DNAJA3: variants seen among roughly 807,000 people sequenced by gnomAD.
DNAJA3 encodes dnaJ homolog subfamily A member 3, mitochondrial.
DNAJA3 carries 29 observed loss-of-function variants against 54.9 expected under a neutral mutation model. That is an observed-to-expected ratio of 0.53 (90% CI 0.39 to 0.72). The LOEUF is 0.72. Ranked by LOEUF, DNAJA3 falls within the 30% of genes least tolerant of loss-of-function variation. The probability of loss-of-function intolerance (pLI) is 0.00; values close to 1 mark genes in which losing one functional copy is unlikely to be tolerated. For missense variants in DNAJA3, 708 were observed against 639.4 expected (o/e 1.11, Z -1.16); for synonymous variants, 302 against 251.4 (o/e 1.20, Z -1.90).
intron 10 of DNAJA3, 110 bp downstream of exon 10, chr16:4,450,607 C>A (rs749261727): frequency 3.6e-6 from 3 of 822,240 alleles, no homozygotes; most frequent in Non-Finnish European, 3.7e-6. Context: ...CTTCATGAAG[C>A]CTTTAAAATG....
At chr16:4,433,624 G>T (rs985615037) in intron 1 of DNAJA3, among the ~76,000 whole-genome samples, 1 of 152,178 alleles carries the variant, frequency 6.6e-6, no homozygotes, top group South Asian at 2.1e-4. Flanking sequence ...CTGCAAGATA[G>T]AGGGAAAAGA....
At chr16:4,436,134 G>A (rs1211446904) in intron 2 of DNAJA3, among the ~76,000 whole-genome samples, 1 of 152,062 alleles carries the variant, frequency 6.6e-6, no homozygotes, top group African/African-American at 2.4e-5. Flanking sequence ...AGAAACGTGT[G>A]TTTGGATCCA....
chr16:4,440,091 C>T (rs946848915), intron 3 of DNAJA3, among the ~76,000 whole-genome samples: 1 of 151,872 alleles, frequency 6.6e-6, no homozygotes, highest in Non-Finnish European at 1.5e-5. Flanking sequence ...GCGTGCACCA[C>T]CATTCTTGGT....
chr16:4,437,154 T>C (rs548677534), intron 2 of DNAJA3, among the ~76,000 whole-genome samples: 34 of 152,010 alleles, frequency 2.2e-4, no homozygotes, highest in Non-Finnish European at 8.8e-5. Context: ...CTATTTTTGG[T>C]GGAGAGGGGT....
chr16:4,452,257 C>T (rs1446034507), intron 10 of DNAJA3, among the ~76,000 whole-genome samples: 1 of 152,092 alleles, frequency 6.6e-6, no homozygotes, highest in Non-Finnish European at 1.5e-5. Flanking sequence ...CTAATCAGTG[C>T]ACCTGTGGCT....
In DNAJA3 at chr16:4,454,852, C is replaced by A; in HGVS notation, c.1381C>A (p.Arg461Ser). Residue 461 changes from arginine to serine, a missense_variant, in exon 11 of 12, where the codon CGT (arginine) becomes AGT (serine). Physicochemically the swap from Arg to Ser is moderately radical, Grantham distance 110. Coordinates refer to ENST00000262375, the MANE Select transcript of DNAJA3 (RefSeq NM_005147.6). ...MDSSAGSKAR[R>S]EAGEDEEGFL... The stretch of plus-strand genomic sequence containing the variant: ...TAGCTCCGCAGGAAGCAAGGCTAGG[C>A]GTGAGGCTGGGGAGGACGAGGAGGG... The A allele has an allele frequency of 1.2e-6, 2 of 1,614,046 alleles. No homozygotes were observed. Among genetic ancestry groups the A allele is most frequent in the South Asian group, 1.1e-5 (1 of 91,074 alleles).
chr16:4,444,401 T>C (rs1411081726), intron 6 of DNAJA3, among the ~76,000 whole-genome samples: 1 of 150,660 alleles, frequency 6.6e-6, no homozygotes, highest in Non-Finnish European at 1.5e-5. Context: ...TGGCGTGTAG[T>C]GGAGTGATCT....
chr16:4,432,644 GCTTATTCA>G (rs2056719290), intron 1 of DNAJA3, among the ~76,000 whole-genome samples: 1 of 151,946 alleles, frequency 6.6e-6, no homozygotes, highest in Non-Finnish European at 1.5e-5. Context: ...ACCCGGCCCG[GCTTATTCA>G]CTTTTTAAAC....
chr16:4,449,863 T>C (rs2056954796), intron 9 of DNAJA3: 1 of 150,800 alleles, frequency 6.6e-6, no homozygotes, highest in African/African-American at 2.4e-5. Flanking sequence ...TGGAGTTCAG[T>C]GGTGCAATCT....
chr16:4,438,878 T>C (rs1567327537), intron 3 of DNAJA3, among the ~76,000 whole-genome samples: 1 of 152,116 alleles, frequency 6.6e-6, no homozygotes, highest in Non-Finnish European at 1.5e-5. Context: ...TAAATCTTTT[T>C]TGAGTAAATA....
chr16:4,446,874 G>A lies in DNAJA3; in HGVS notation c.997-12G>A. 2.5e-6 allele frequency: 4 copies of A among 1,613,748 alleles called. No individual in the cohort carries two copies. Among genetic ancestry groups the A allele is most frequent in the Middle Eastern group, 1.7e-4 (1 of 6,020 alleles). ...ACTTATCTTCACATGCATCTGTCAT[G>A]TTTGGCCTTAGGTGCAGAAAAGCCC... On this transcript the variant is annotated splice_polypyrimidine_tract_variant and intron_variant, in intron 7 of 11. Transcript: ENST00000262375.
chr16:4,432,258 A>G (rs1005804398), intron 1 of DNAJA3, among the ~76,000 whole-genome samples: 1 of 150,492 alleles, frequency 6.6e-6, no homozygotes, highest in Admixed American at 6.7e-5. Context: ...CCTGGGCTCA[A>G]GCGATCCTCA....
chr16:4,455,435 C>A (rs2057024571), intron 11 of DNAJA3, 111 bp from the exon 12 acceptor site: 1 of 1,321,472 alleles, frequency 7.6e-7, no homozygotes, highest in East Asian at 2.5e-5. Flanking sequence ...AAGTGGGGTT[C>A]TCGCCCCTCT....
chr16:4,444,918 G>A (rs2056884974), intron 7 of DNAJA3, among the ~76,000 whole-genome samples, 190 bp downstream of exon 7: 1 of 152,152 alleles, frequency 6.6e-6, no homozygotes, highest in Non-Finnish European at 1.5e-5. Context: ...GCCTTGTGTG[G>A]AGAGAAGACA....
rs147498659 is a variant in DNAJA3 at position 4,438,160 on chromosome 16, A to C, written c.429+675A>C. 3.2e-3 allele frequency among the ~76,000 whole-genome samples: 488 copies of C among 151,742 alleles called. 5 individuals carry two copies. Among genetic ancestry groups the C allele is most frequent in the African/African-American group, 0.011 (467 of 41,436 alleles). Reference sequence around the variant, plus strand: ...TGAAACCCCGTCTCTACTAAAAATAAAAAAAAATTAGCCGGGCATGGCGGC... The same window carrying C: ...TGAAACCCCGTCTCTACTAAAAATACAAAAAAATTAGCCGGGCATGGCGGC... On this transcript the variant is annotated intron_variant, in intron 3 of 11. Coordinates refer to ENST00000262375, the MANE Select transcript of DNAJA3 (RefSeq NM_005147.6).
At chr16:4,455,458 G>A (rs1459410285) in intron 11 of DNAJA3, 88 bp from the exon 12 acceptor site, 3 of 1,484,676 alleles carry the variant, frequency 2.0e-6, no homozygotes, top group African/African-American at 1.4e-5. Flanking sequence ...TGGCACAGCT[G>A]CTTTCCAGGG....
Position 4,454,831 on chromosome 16 carries a change from T to A in DNAJA3, c.1360T>A (p.Ser454Thr). The A allele has an allele frequency of 6.2e-7, 1 of 1,613,878 alleles. No individual in the cohort carries two copies. Among genetic ancestry groups the A allele is most frequent in the Non-Finnish European group, 8.5e-7 (1 of 1,179,852 alleles). Reference sequence around the variant, plus strand: ...CCCAGGTGGCAGCACCATGGATAGCTCCGCAGGAAGCAAGGCTAGGCGTGA... The same window carrying A: ...CCCAGGTGGCAGCACCATGGATAGCACCGCAGGAAGCAAGGCTAGGCGTGA... ...TSSGGSTMDS[S>T]AGSKARREAG... Residue 454 changes from serine to threonine, a missense_variant, in exon 11 of 12, where the codon TCC becomes ACC. Ser to Thr is a moderately conservative substitution (Grantham distance 58). Coordinates refer to ENST00000262375, the MANE Select transcript of DNAJA3 (RefSeq NM_005147.6).
chr16:4,437,064 A>G (rs1280168252), intron 2 of DNAJA3, among the ~76,000 whole-genome samples: 1 of 152,104 alleles, frequency 6.6e-6, no homozygotes, highest in East Asian at 1.9e-4. Flanking sequence ...TCCACCTCCC[A>G]GGTTCAAGTG....
intron 10 of DNAJA3, among the ~76,000 whole-genome samples, chr16:4,452,852 G>A (rs1043708935): frequency 6.6e-6 from 1 of 152,094 alleles, no homozygotes; most frequent in African/African-American, 2.4e-5. Flanking sequence ...TCAAGGCTGC[G>A]GTGAGTCATG....
Sources: gnomAD v4.1 joint callset for allele counts (sites outside exome capture counted in the v4.1 genomes callset) on GRCh38, gnomAD v4.1.1 for gene constraint, MANE v1.5 for transcripts, NCBI Gene and HGNC (gene_info 2026-07-23, HGNC 2026-07-21) for gene names.